Variants in KIFC3 observed in about 807,000 individuals in gnomAD.
The protein encoded by KIFC3 is kinesin family member C3.
A neutral mutation model predicts 101.8 loss-of-function variants in KIFC3; 60 were observed. The ratio of observed to expected loss-of-function variants is 0.59; its 90% CI spans 0.48 to 0.73. KIFC3 has a LOEUF of 0.73. Ranked by LOEUF, KIFC3 falls within the 30% of genes least tolerant of loss-of-function variation. The pLI is 0.00. For synonymous variants in KIFC3, 476 were observed against 482.7 expected, an observed-to-expected ratio of 0.99 and a Z score of 0.18; for missense variants, 966 against 1,137.1, an observed-to-expected ratio of 0.85 and a Z score of 2.16.
chr16:57,763,198 G>A (rs1191238373), intron 12 of KIFC3, among the ~76,000 whole-genome samples: 3 of 152,194 alleles, frequency 2.0e-5, no homozygotes, highest in African/African-American at 7.2e-5. Context: ...AGCTGTGCCT[G>A]GCACGATGCC....
At chr16:57,857,828 T>TCTC (rs1462316511) in intron 1 of KIFC3, among the ~76,000 whole-genome samples, 1 of 118,724 alleles carries the variant, frequency 8.4e-6, no homozygotes, top group Non-Finnish European at 1.7e-5. Context: ...CTTTCTTTTT[T>TCTC]TTTTTTTTTT....
At chr16:57,798,006 A>T (rs1343603834) in intron 2 of KIFC3, 66 bp downstream of exon 2, 2 of 1,550,566 alleles carry the variant, frequency 1.3e-6, no homozygotes, top group African/African-American at 2.7e-5. Flanking sequence ...GAGAAACCTC[A>T]GTCTCATCTC....
chr16:57,855,051 C>G (rs2056135626), intron 1 of KIFC3, among the ~76,000 whole-genome samples: 3 of 150,760 alleles, frequency 2.0e-5, no homozygotes, highest in Admixed American at 2.0e-4. Context: ...AAGATGCCAT[C>G]TCTACAAAGA....
chr16:57,767,238 G>A (rs781939550), intron 9 of KIFC3, among the ~76,000 whole-genome samples: 2 of 152,190 alleles, frequency 1.3e-5, no homozygotes, highest in African/African-American at 2.4e-5. Flanking sequence ...ATAGAGCCAG[G>A]ACTCAGCCCT....
At position 57,798,188 on chromosome 16, in the gene KIFC3, AGGCCCCGCAGCGAGGGCGT is replaced by A; in HGVS notation, c.37_55del (p.Thr13CysfsTer37). On this transcript the variant is annotated frameshift_variant, in exon 2 of 20. Transcript: ENST00000445690. LOFTEE classifies it high-confidence loss of function. ...CTCCGGGGCCCGGCCCACTCTCCAC[AGGCCCCGCAGCGAGGGCGT>A]GGCTCCCAGGTTCCACGTCCTGCGA... 1 of 1,542,538 alleles carries A rather than the reference AGGCCCCGCAGCGAGGGCGT, an allele frequency of 6.5e-7. No individual in the cohort carries two copies.
intron 1 of KIFC3, among the ~76,000 whole-genome samples, chr16:57,842,347 C>T (rs1181361319): frequency 1.3e-5 from 2 of 152,244 alleles, no homozygotes; most frequent in Admixed American, 6.5e-5. Flanking sequence ...GTGTCTGGAA[C>T]GGTATGGAGT....
In KIFC3 at chr16:57,812,558, T is replaced by G. The variant is rs79166288; in HGVS notation, c.109-14276A>C. Among the ~76,000 whole-genome samples the G allele has an allele frequency of 8.0e-3, 1,222 of 152,202 alleles. 16 individuals carry two copies. Among genetic ancestry groups the G allele is most frequent in the African/African-American group, 0.028 (1,170 of 41,520 alleles). ...GTGATGGGGCCCTGGCCTTTGGTGC[T>G]TGCCTTCCTCAGAGCGGAAAGAGCC... On this transcript the variant is annotated intron_variant, in intron 1 of 2. Transcript: ENST00000563028.
chr16:57,794,856 G>T (rs527997444), intron 3 of KIFC3, 143 bp downstream of exon 3: 3 of 662,224 alleles, frequency 4.5e-6, no homozygotes, highest in African/African-American at 3.8e-5. Context: ...AGGCAGAGGG[G>T]TCATGAGGGG....
chr16:57,857,279 C>T (rs117734065), intron 1 of KIFC3, among the ~76,000 whole-genome samples: 2,464 of 152,224 alleles, frequency 0.016, 34 homozygotes, highest in Middle Eastern at 0.058. Flanking sequence ...CTTCTTCTTC[C>T]TTAGCACAGC....
intron 1 of KIFC3, among the ~76,000 whole-genome samples, chr16:57,823,793 GTGTGTGTGTGTT>G (rs2149281346): frequency 6.9e-6 from 1 of 145,020 alleles, no homozygotes; most frequent in South Asian, 2.3e-4. Flanking sequence ...GTGTGTGTGT[GTGTGTGTGTGTT>G]TTTAGTAGAG....
chr16:57,843,849 C>T (rs905120328), intron 1 of KIFC3, among the ~76,000 whole-genome samples: 7 of 152,198 alleles, frequency 4.6e-5, no homozygotes, highest in African/African-American at 1.4e-4. Flanking sequence ...GGCTCACGCT[C>T]ATAATCCCAG....
intron 1 of KIFC3, among the ~76,000 whole-genome samples, chr16:57,808,379 T>C (rs1037935396): frequency 4.0e-5 from 6 of 149,776 alleles, no homozygotes; most frequent in Non-Finnish European, 1.5e-5. Flanking sequence ...GCCGCCGGGC[T>C]CCTCCTTGCT....
At chr16:57,771,725 G>T (rs368772275) in intron 4 of KIFC3, 39 bp from the exon 5 acceptor site, 194 of 1,585,338 alleles carry the variant, frequency 1.2e-4, no homozygotes, top group Non-Finnish European at 1.5e-4. Flanking sequence ...ATGTGGCGAG[G>T]GCAGATGACG....
At chr16:57,828,832 G>C (rs2055515403) in intron 1 of KIFC3, among the ~76,000 whole-genome samples, 1 of 151,856 alleles carries the variant, frequency 6.6e-6, no homozygotes, top group Non-Finnish European at 1.5e-5. Flanking sequence ...TCACCCCCCA[G>C]CAGAAGGTAG....
Position 57,761,138 on chromosome 16 carries a change from C to T in KIFC3, c.1906G>A (p.Glu636Lys), listed in dbSNP as rs143314146. 12 of 1,613,862 alleles carry T rather than the reference C, an allele frequency of 7.4e-6. No homozygotes were observed. Among genetic ancestry groups the T allele is most frequent in the African/African-American group, 5.3e-5 (4 of 74,922 alleles). Residue 636 changes from glutamate to lysine, a missense_variant, in exon 15 of 20, where the codon GAG becomes AAG. By Grantham distance (56) the Glu-to-Lys change is moderately conservative. This residue lies in a region of KIFC3 where 689 missense variants were observed against 884.6 expected (regional missense o/e 0.78). Coordinates refer to ENST00000445690, the MANE Select transcript of KIFC3 (RefSeq NM_001130100.2). ...CTGTGCTCGTTCAGGTTGGTGAACT[C>T]GGTCGTGCGATTAGTGTGGCCAAAC... ...FEFGHTNRTT[E>K]FTNLNEHSSR...
chr16:57,779,889 C>A (rs1443040879), intron 3 of KIFC3: 1 of 152,054 alleles, frequency 6.6e-6, no homozygotes, highest in Non-Finnish European at 1.5e-5. Context: ...TTCCACATGG[C>A]TGGGGAGGCC....
Position 57,777,445 on chromosome 16 carries a change from G to A in KIFC3, c.316-5157C>T, listed in dbSNP as rs984568933. On this transcript the variant is annotated intron_variant, in intron 3 of 19. Coordinates refer to ENST00000445690, the MANE Select transcript of KIFC3 (RefSeq NM_001130100.2). The stretch of plus-strand genomic sequence containing the variant: ...CTAAAAAGCTACAGCAATTGGCCAG[G>A]CGCGGTGGCTCATGCCTGTAATCCC... 3.9e-5 allele frequency among the ~76,000 whole-genome samples: 6 copies of A among 152,364 alleles called. No homozygotes were observed. In the South Asian group the frequency reaches 8.3e-4, roughly 21 times the overall value.
chr16:57,759,829 G>C lies in KIFC3; in HGVS notation c.2375C>G (p.Pro792Arg). 1.2e-6 allele frequency: 2 copies of C among 1,607,910 alleles called. No individual in the cohort carries two copies. Among genetic ancestry groups the C allele is most frequent in the Non-Finnish European group, 8.5e-7 (1 of 1,177,738 alleles). The change falls in exon 18 of 20, where the codon CCG (proline) becomes CGG (arginine). Residue 792 changes from proline (P) to arginine (R), a missense_variant. By Grantham distance (103) the Pro-to-Arg change is moderately radical. Coordinates refer to ENST00000445690, the MANE Select transcript of KIFC3 (RefSeq NM_001130100.2). ...CGAGGGCTGTGGCGTCTGACAAGCC[G>C]GCTCCCACTGTGAGCAGGGAAGGGC... is the stretch of plus-strand genomic sequence containing the variant. ...WSSQEHLEWE[P>R]ACQTPQPSAR... is the part of the protein sequence containing the mutation.
chr16:57,799,680 G>A (rs1216909039), intron 1 of KIFC3, among the ~76,000 whole-genome samples: 1 of 152,226 alleles, frequency 6.6e-6, no homozygotes, highest in Non-Finnish European at 1.5e-5. Flanking sequence ...CACAGGTGAG[G>A]AGGCAATCAT....
Sources: allele counts gnomAD v4.1 joint callset (sites outside exome capture counted in the v4.1 genomes callset), GRCh38; gene constraint gnomAD v4.1.1; regional missense constraint gnomAD v4.1.1; transcripts MANE v1.5; gene names NCBI Gene and HGNC (gene_info 2026-07-23, HGNC 2026-07-21).